Variants in TECPR1 observed in about 807,000 individuals in gnomAD.
TECPR1 encodes tectonin beta-propeller repeat-containing protein 1.
Under a neutral mutation model 162.4 loss-of-function variants are expected in TECPR1, and 122 were observed. That is an observed-to-expected ratio of 0.75 (90% CI 0.65 to 0.87). The LOEUF (loss-of-function observed/expected upper bound fraction) is 0.87. TECPR1 is among the 40% of genes least tolerant of loss of function. TECPR1 has a pLI of 0.00. For synonymous variants in TECPR1, 642 were observed against 670.6 expected (o/e 0.96, Z 0.66); for missense variants, 1,432 against 1,618.2 (o/e 0.88, Z 1.97).
In TECPR1 at chr7:98,216,985, C is replaced by T. The variant is rs969470884; in HGVS notation, c.*405G>A. 1.6e-5 allele frequency: 3 copies of T among 184,746 alleles called. No homozygotes were observed. Among genetic ancestry groups the T allele is most frequent in the Non-Finnish European group, 3.4e-5 (3 of 88,162 alleles). 11.4% of individuals were successfully genotyped at this position (184,746 alleles called of 1,614,324 possible). ...CTCTCTTGGTGAGGGGTGGCGGGCCCGGGTGCTGTCTGAGATGCCAGCTCA... is the reference window on the plus strand; with the variant it reads ...CTCTCTTGGTGAGGGGTGGCGGGCCTGGGTGCTGTCTGAGATGCCAGCTCA... On this transcript the variant is annotated 3_prime_UTR_variant, in exon 26 of 26. Transcript: ENST00000447648.
At chr7:98,249,630 C>G (rs745698323) in intron 2 of TECPR1, among the ~76,000 whole-genome samples, 13 of 152,180 alleles carry the variant, frequency 8.5e-5, no homozygotes, top group African/African-American at 2.7e-4. Flanking sequence ...ACTAACCTCT[C>G]TGTGCCTTAA....
chr7:98,228,872 G>T lies in TECPR1; in HGVS notation c.2410+167C>A, dbSNP rs569305825. Reference sequence around the variant, plus strand: ...CTCAGCTCGAAGTGGGTACTGGCAGGGACCATCCTGGGTGGAGGCTGGCAG... The same window carrying T: ...CTCAGCTCGAAGTGGGTACTGGCAGTGACCATCCTGGGTGGAGGCTGGCAG... On this transcript the variant is annotated intron_variant, in intron 16 of 25. Transcript: ENST00000447648. 1.5e-4 allele frequency: 151 copies of T among 1,010,306 alleles called. No homozygotes were observed. In the African/African-American group the frequency reaches 2.2e-3, roughly 14 times the overall value. 62.6% of individuals were successfully genotyped at this position (1,010,306 alleles called of 1,614,324 possible). A position where few individuals can be genotyped will look rare whatever the true frequency, so the allele number is the denominator to read the frequency against.
At chr7:98,223,863 A>G in intron 19 of TECPR1, 145 bp from the exon 20 acceptor site, 2 of 834,004 alleles carry the variant, frequency 2.4e-6, no homozygotes, top group Non-Finnish European at 1.9e-6. Context: ...AGGAGGTGTC[A>G]CCACGCGCGG....
rs1043259890 is a variant in TECPR1, at chr7:98,245,711, C to T, written c.225+211G>A. Among the ~76,000 whole-genome samples the T allele has an allele frequency of 7.9e-5, 12 of 152,144 alleles. 1 individual carries two copies. The highest frequency in any genetic ancestry group is 7.7e-4 in the East Asian group (4 of 5,188). ...CTGGTCTCAAACTCCTGAGCTCAAGCGATCTGCCCGCCACAGCCTTCCAAA... is the reference window on the plus strand; with the variant it reads ...CTGGTCTCAAACTCCTGAGCTCAAGTGATCTGCCCGCCACAGCCTTCCAAA... On this transcript the variant is annotated intron_variant, in intron 3 of 25. Coordinates refer to ENST00000447648, the MANE Select transcript of TECPR1 (RefSeq NM_015395.3).
rs376512300 is a variant in TECPR1, at chr7:98,223,019, G to A, written c.2899C>T (p.Arg967Cys). 1.4e-5 allele frequency: 22 copies of A among 1,611,644 alleles called. No homozygotes were observed. The highest frequency in any genetic ancestry group is 1.5e-5 in the Non-Finnish European group (18 of 1,179,516). Residue 967 changes from arginine (R) to cysteine (C), a missense_variant, in exon 21 of 26, where the codon CGC (arginine) becomes TGC (cysteine). Transcript: ENST00000447648. ...GGGTTGAGCTCCGACACGCCCAGGC[G>A]GCACAGCACATCCCCCTTGTCGCTG... ...AVSDKGDVLC[R>C]LGVSELNPAG...
chr7:98,221,114 C>A (rs979977757), intron 23 of TECPR1, among the ~76,000 whole-genome samples: 4 of 150,638 alleles, frequency 2.7e-5, no homozygotes, highest in African/African-American at 9.8e-5. Flanking sequence ...CCAGCCTGGC[C>A]AATATGGTGA....
chr7:98,229,466 G>A (rs1473302518), intron 15 of TECPR1, among the ~76,000 whole-genome samples: 1 of 152,216 alleles, frequency 6.6e-6, no homozygotes, highest in Non-Finnish European at 1.5e-5. Context: ...AGGGAGATGA[G>A]GCCAGCGGCG....
intron 17 of TECPR1, among the ~76,000 whole-genome samples, chr7:98,227,632 C>A (rs575607552): frequency 6.6e-6 from 1 of 151,734 alleles, no homozygotes; most frequent in African/African-American, 2.4e-5. Context: ...ACCAGTCTGG[C>A]CAACATGGTA....
chr7:98,248,533 CAAAAAA>C (rs60387349), intron 2 of TECPR1, among the ~76,000 whole-genome samples: 1 of 9,608 alleles, frequency 1.0e-4, no homozygotes, highest in Non-Finnish European at 1.9e-4. Context: ...CTGCCACCGG[CAAAAAA>C]AAAAAAAAAA....
chr7:98,248,054 A>G (rs2116638435), intron 2 of TECPR1, among the ~76,000 whole-genome samples: 1 of 152,294 alleles, frequency 6.6e-6, no homozygotes, highest in East Asian at 1.9e-4. Flanking sequence ...TGTGCTTTGT[A>G]GGCATAGCCA....
chr7:98,244,672 A>G lies in TECPR1; in HGVS notation c.430T>C (p.Phe144Leu). 1 of 1,612,242 alleles carries G rather than the reference A, an allele frequency of 6.2e-7. No individual in the cohort carries two copies. The highest frequency in any genetic ancestry group is 8.5e-7 in the Non-Finnish European group (1 of 1,179,192). Residue 144 changes from phenylalanine (F) to leucine (L), a missense_variant, in exon 5 of 26, where the codon TTT (phenylalanine) becomes CTT (leucine). Physicochemically the swap from Phe to Leu is conservative, Grantham distance 22. Coordinates refer to ENST00000447648, the MANE Select transcript of TECPR1 (RefSeq NM_015395.3). ...TTGTCTTTCGTGTAGGTGGCGGGAA[A>G]GTCGATGGCGTACGTCCACCCCTGA... ...EKGGWTYAID[F>L]PATYTKDKKW...
chr7:98,242,288 G>A (rs1203541235), intron 6 of TECPR1, among the ~76,000 whole-genome samples: 2 of 152,116 alleles, frequency 1.3e-5, no homozygotes, highest in Non-Finnish European at 2.9e-5. Context: ...GAGTGTCAGC[G>A]CCCTGAGTTC....
rs551516559 is a variant in TECPR1, at chr7:98,246,170, G to A, written c.-19-5C>T. ...ATGGCAGCGGCTGGAGGTAACCTGC[G>A]GCAGGAGGACGAGGGCCAGCGTTCA... On this transcript the variant is annotated splice_region_variant and splice_polypyrimidine_tract_variant and intron_variant, in intron 2 of 25. Coordinates refer to ENST00000447648, the MANE Select transcript of TECPR1 (RefSeq NM_015395.3). The A allele has an allele frequency of 2.4e-5, 36 of 1,530,316 alleles. 1 individual carries two copies. Among genetic ancestry groups the A allele is most frequent in the Admixed American group, 7.9e-5 (4 of 50,662 alleles). 94.8% of individuals were successfully genotyped at this position (1,530,316 alleles called of 1,614,324 possible).
intron 9 of TECPR1, 24 bp from the exon 10 acceptor site, chr7:98,236,945 G>A (rs558636025): frequency 5.2e-5 from 78 of 1,513,294 alleles, no homozygotes; most frequent in East Asian, 3.9e-4. Flanking sequence ...GCTGTGTTCC[G>A]AGGAATCTGG....
intron 2 of TECPR1, among the ~76,000 whole-genome samples, chr7:98,249,099 G>T (rs906599297): frequency 7.3e-5 from 11 of 151,648 alleles, no homozygotes; most frequent in Admixed American, 4.6e-4. Flanking sequence ...ACTTTGGCCA[G>T]GCTGGTCTCG....
Position 98,223,188 on chromosome 7 carries a change from G to C in TECPR1, c.2748-18C>G, listed in dbSNP as rs1184906934. The C allele has an allele frequency of 1.3e-6, 2 of 1,577,642 alleles. No homozygotes were observed. Among genetic ancestry groups the C allele is most frequent in the Non-Finnish European group, 8.6e-7 (1 of 1,161,572 alleles). ...TGCATTTTCTGTACAGTGGAGAGGGGACACAGCCCAGGGACCCCAAGGTGA... is the reference window on the plus strand; with the variant it reads ...TGCATTTTCTGTACAGTGGAGAGGGCACACAGCCCAGGGACCCCAAGGTGA... On this transcript the variant is annotated intron_variant, in intron 20 of 25. Transcript: ENST00000447648.
chr7:98,223,702 T>C lies in TECPR1; in HGVS notation c.2707A>G (p.Lys903Glu), dbSNP rs1798202457. 6.2e-7 allele frequency: 1 copy of C among 1,613,752 alleles called. No individual in the cohort carries two copies. Reference sequence around the variant, plus strand: ...CTCCTCACAAAATCCTTCATCGTTTTGGACCCATGGTATGAGCTGCAAGGA... The same window carrying C: ...CTCCTCACAAAATCCTTCATCGTTTCGGACCCATGGTATGAGCTGCAAGGA... ...SDFPASYHGS[K>E]TMKDFVRRRC... The change falls in exon 20 of 26, where the codon AAA (lysine) becomes GAA (glutamate). Residue 903 changes from lysine to glutamate, a missense_variant. By Grantham distance (56) the Lys-to-Glu change is moderately conservative (BLOSUM62 1). Transcript: ENST00000447648.
chr7:98,220,589 C>G (rs189021672), intron 23 of TECPR1, among the ~76,000 whole-genome samples: 2 of 143,248 alleles, frequency 1.4e-5, no homozygotes, highest in African/African-American at 5.2e-5. Context: ...GACGGAGTCT[C>G]GCTCTGTCAC....
At position 98,223,645 on chromosome 7, in the gene TECPR1, C is replaced by T; in HGVS notation, c.2747+17G>A. 1 of 1,613,538 alleles carries T rather than the reference C, an allele frequency of 6.2e-7. No homozygotes were observed. Among genetic ancestry groups the T allele is most frequent in the Non-Finnish European group, 8.5e-7 (1 of 1,179,686 alleles). ...CAGGAGCCTGACCGTGACAGTCACC[C>T]TGCAGCCCTGCCTCACCTGGCCCAG... On this transcript the variant is annotated intron_variant, in intron 20 of 25. Transcript: ENST00000447648.
Sources: allele counts gnomAD v4.1 joint callset (sites outside exome capture counted in the v4.1 genomes callset), GRCh38; gene constraint gnomAD v4.1.1; transcripts MANE v1.5; gene names NCBI Gene and HGNC (gene_info 2026-07-23, HGNC 2026-07-21).